EIF4A2: variants seen among roughly 807,000 people sequenced by gnomAD.
The protein encoded by EIF4A2 is eukaryotic initiation factor 4A-II.
In EIF4A2, 9 loss-of-function variants were observed where a neutral mutation model predicts 50.6. The ratio of observed to expected loss-of-function variants is 0.18; its 90% CI spans 0.11 to 0.31. The LOEUF is 0.31. EIF4A2 is among the 10% of genes least tolerant of loss of function. The probability of loss-of-function intolerance (pLI) is 1.00; values close to 1 mark genes in which losing one functional copy is unlikely to be tolerated. For missense variants in EIF4A2, 182 were observed against 501.8 expected (o/e 0.36, Z 6.09); for synonymous variants, 215 against 164.4 (o/e 1.31, Z -2.35).
chr3:186,789,203 T>G lies in EIF4A2; in HGVS notation c.1158T>G (p.Arg386=), dbSNP rs769925570. Residue 386 remains arginine, a synonymous_variant, in exon 11 of 11, where the codon CGT becomes CGG. Coordinates refer to ENST00000323963, the MANE Select transcript of EIF4A2 (RefSeq NM_001967.4). ...FVTEEDKRIL[R]DIETFYNTTV... ...CTGAAGAAGACAAGAGGATTCTTCG[T>G]GACATTGAGACTTTCTACAATACTA... 4 of 1,613,656 alleles carry G rather than the reference T, an allele frequency of 2.5e-6. No individual in the cohort carries two copies. Among genetic ancestry groups the G allele is most frequent in the Non-Finnish European group, 3.4e-6 (4 of 1,179,830 alleles).
At chr3:186,784,241 C>G in intron 1 of EIF4A2, 191 bp from the exon 2 acceptor site, 1 of 777,858 alleles carries the variant, frequency 1.3e-6, no homozygotes, top group East Asian at 2.7e-5. Context: ...GCCTGGGGGG[C>G]TGCCTTTCCG....
At chr3:186,788,697 G>A (rs1209316713) in intron 10 of EIF4A2, 1 of 233,414 alleles carries the variant, frequency 4.3e-6, no homozygotes, top group Non-Finnish European at 8.6e-6. Flanking sequence ...TTAGAAAATA[G>A]TTAACCTTTG....
chr3:186,787,413 G>A (rs746149444), intron 8 of EIF4A2, 82 bp from the exon 9 acceptor site: 2 of 1,607,258 alleles, frequency 1.2e-6, no homozygotes, highest in South Asian at 2.2e-5. Context: ...AGCAGCCAGG[G>A]ACGCTTGGTC....
Position 186,785,662 on chromosome 3 carries a change from C to G in EIF4A2, c.349-221C>G, listed in dbSNP as rs180726206. ...TTATTCTTGGATTGTCTAGCTGATG[C>G]GTGGAGCAGCAGCATCCCAAGTTTG... On this transcript the variant is annotated intron_variant, in intron 4 of 10. Transcript: ENST00000323963. 5.0e-4 allele frequency: 253 copies of G among 507,944 alleles called. 1 individual carries two copies. The highest frequency in any genetic ancestry group is 2.5e-3 in the African/African-American group (135 of 53,086). 31.5% of individuals were successfully genotyped at this position (507,944 alleles called of 1,614,324 possible). A position where few individuals can be genotyped will look rare whatever the true frequency, so the allele number is the denominator to read the frequency against.
At chr3:186,784,766 T>C in intron 3 of EIF4A2, 70 bp downstream of exon 3, 1 of 1,608,660 alleles carries the variant, frequency 6.2e-7, no homozygotes, top group Non-Finnish European at 8.5e-7. Context: ...AAGTAACCTC[T>C]GGGGGACTAG....
In EIF4A2 at chr3:186,783,609, TC is replaced by T. The variant is rs1721493448; in HGVS notation, c.-1del. ...GTCGGGCGCTGAGTGGTTTTTCGGA[TC>T]ATGTCTGGTGGCTCCGCGGATTATA... On this transcript the variant is annotated 5_prime_UTR_variant, in exon 1 of 11. Transcript: ENST00000323963. 1 of 1,613,972 alleles carries T rather than the reference TC, an allele frequency of 6.2e-7. No individual in the cohort carries two copies. Among genetic ancestry groups the T allele is most frequent in the African/African-American group, 1.3e-5 (1 of 74,886 alleles).
Position 186,787,858 on chromosome 3 carries a change from CCAATCGTGAAAA to C in EIF4A2, c.1057_1068del (p.Asn353_Asn356del). On this transcript the variant is annotated inframe_deletion, in exon 10 of 11. Transcript: ENST00000323963. The stretch of plus-strand genomic sequence containing the variant: ...TTGGTTATAAATTATGATCTACCTA[CCAATCGTGAAAA>C]CTATATTCACAGGTGAGAAGCCAGC... The C allele has an allele frequency of 6.2e-7, 1 of 1,613,756 alleles. No individual in the cohort carries two copies. The highest frequency in any genetic ancestry group is 1.3e-5 in the African/African-American group (1 of 75,008).
intron 10 of EIF4A2, 160 bp from the exon 11 acceptor site, chr3:186,788,965 T>A: frequency 2.9e-6 from 3 of 1,051,928 alleles, no homozygotes; most frequent in Non-Finnish European, 3.9e-6. Context: ...AAAGGAAGAT[T>A]TTTTTCTCTA....
intron 1 of EIF4A2, 99 bp from the exon 2 acceptor site, chr3:186,784,333 G>C: frequency 6.4e-7 from 1 of 1,552,890 alleles, no homozygotes; most frequent in Non-Finnish European, 8.9e-7. Context: ...TTGTGCAGGG[G>C]AGGCTAACGT....
chr3:186,783,876 C>T (rs1721517579), intron 1 of EIF4A2: 7 of 594,322 alleles, frequency 1.2e-5, no homozygotes, highest in Non-Finnish European at 1.8e-5. Flanking sequence ...CATTACGAAA[C>T]TTCGGCTGCT....
rs1004719952 is a variant in EIF4A2, at chr3:186,783,899, G to A, written c.29+260G>A. 8 of 558,358 alleles carry A rather than the reference G, an allele frequency of 1.4e-5. No homozygotes were observed. The African/African-American group carries it at 1.5e-4, about 11-fold the overall frequency. The allele number at this position is 558,358 out of a possible 1,614,324, so 34.6% of individuals were successfully genotyped here. ...AACTTCGGCTGCTTTCCTTCCCAGT[G>A]TAGAGCACGGGAAACATGGAGTAAA... On this transcript the variant is annotated intron_variant, in intron 1 of 10. Transcript: ENST00000323963.
At chr3:186,786,432 T>C (rs1721716827) in intron 6 of EIF4A2, 70 bp from the exon 7 acceptor site, 20 of 1,579,748 alleles carry the variant, frequency 1.3e-5, no homozygotes, top group Non-Finnish European at 1.7e-5. Flanking sequence ...ACAGAGACGC[T>C]TGGCTTCAGA....
At chr3:186,786,850 T>G (rs1282811766) in intron 7 of EIF4A2, 1 of 889,520 alleles carries the variant, frequency 1.1e-6, no homozygotes, top group Non-Finnish European at 1.9e-6. Flanking sequence ...TGGTGCAATA[T>G]CTCATTAGAC....
intron 7 of EIF4A2, chr3:186,786,887 A>C (rs766628128): frequency 1.1e-6 from 1 of 888,846 alleles, no homozygotes; most frequent in East Asian, 2.4e-5. Flanking sequence ...AATTTTTATA[A>C]TTTCTACGTT....
chr3:186,788,277 A>T (rs1240002941), intron 10 of EIF4A2: 2 of 1,286,582 alleles, frequency 1.6e-6, no homozygotes, highest in African/African-American at 3.0e-5. Context: ...ACTTTGTTAT[A>T]TGATGTAAAA....
intron 1 of EIF4A2, 143 bp downstream of exon 1, chr3:186,783,782 T>A (rs1489417547): frequency 6.7e-6 from 9 of 1,337,418 alleles, no homozygotes; most frequent in Non-Finnish European, 9.5e-6. Flanking sequence ...TCCAGAAGCT[T>A]CCATGATGGG....
chr3:186,787,746 C>CAT lies in EIF4A2; in HGVS notation c.1000-56_1000-55dup, dbSNP rs767070273. The stretch of plus-strand genomic sequence containing the variant: ...TAGTTCGCTACTATTTTGTGGCCTA[C>CAT]ATGACAGGTGTCAAGTTTTTTTGAA... On this transcript the variant is annotated intron_variant, in intron 9 of 10. Transcript: ENST00000323963. 14 of 1,609,614 alleles carry CAT rather than the reference C, an allele frequency of 8.7e-6. No homozygotes were observed. In the South Asian group the frequency reaches 1.5e-4, roughly 18 times the overall value.
intron 10 of EIF4A2, 83 bp from the exon 11 acceptor site, chr3:186,789,042 C>T: frequency 2.7e-6 from 4 of 1,496,986 alleles, no homozygotes; most frequent in Non-Finnish European, 3.6e-6. Flanking sequence ...TAAACAGCAG[C>T]TGGTGGTTAA....
At position 186,788,204 on chromosome 3, in the gene EIF4A2, G is replaced by A. The variant is rs1449130264; in HGVS notation, c.1079+322G>A. The A allele has an allele frequency of 8.2e-6, 8 of 976,406 alleles. No individual in the cohort carries two copies. In the East Asian group the frequency reaches 1.4e-4, roughly 17 times the overall value. The allele number at this position is 976,406 out of a possible 1,614,324, so 60.5% of individuals were successfully genotyped here. A position where few individuals can be genotyped will look rare whatever the true frequency, so the allele number is the denominator to read the frequency against. ...GTTGGGATTTTCTTGGTGTCGCCTG[G>A]TAGCAATTTGAGTGAACCCTGGTTT... is the stretch of plus-strand genomic sequence containing the variant. On this transcript the variant is annotated intron_variant, in intron 10 of 10. Transcript: ENST00000323963.
Sources: allele counts gnomAD v4.1 joint callset, GRCh38; gene constraint gnomAD v4.1.1; transcripts MANE v1.5; gene names NCBI Gene and HGNC (gene_info 2026-07-23, HGNC 2026-07-21).